RASA2: variants seen among roughly 807,000 people sequenced by gnomAD.
RASA2 encodes ras GTPase-activating protein 2.
Under a neutral mutation model 118.2 loss-of-function variants are expected in RASA2, and 155 were observed. The ratio of observed to expected loss-of-function variants is 1.31; its 90% CI spans 1.15 to 1.50. RASA2 has a LOEUF of 1.50. RASA2 is among the 40% of genes most tolerant of loss of function. The pLI is 0.00. For synonymous variants in RASA2, 353 were observed against 349.1 expected, an observed-to-expected ratio of 1.01 and a Z score of -0.12; for missense variants, 1,016 against 1,009.6, an observed-to-expected ratio of 1.01 and a Z score of -0.09.
intron 3 of RASA2, among the ~76,000 whole-genome samples, chr3:141,518,398 G>A (rs1341641751): frequency 7.2e-6 from 1 of 139,806 alleles, no homozygotes; most frequent in Non-Finnish European, 1.5e-5. Context: ...CAGAAGAATC[G>A]CTTGAATCCG....
At chr3:141,544,482 G>A (rs977860498) in intron 5 of RASA2, among the ~76,000 whole-genome samples, 4 of 151,826 alleles carry the variant, frequency 2.6e-5, no homozygotes, top group Admixed American at 2.6e-4. Flanking sequence ...GTTCAAATTG[G>A]GTGATTTCTA....
intron 9 of RASA2, among the ~76,000 whole-genome samples, chr3:141,564,738 T>C (rs1167391569): frequency 6.6e-6 from 1 of 152,056 alleles, no homozygotes; most frequent in East Asian, 1.9e-4. Context: ...TGGTAAATGG[T>C]GATAATTGTT....
rs750761606 is a variant in RASA2 at position 141,607,778 on chromosome 3, A to G, written c.2016+18A>G. The G allele has an allele frequency of 3.6e-5, 57 of 1,565,458 alleles. 1 individual carries two copies. In the Middle Eastern group the frequency reaches 5.3e-4, roughly 14 times the overall value. On this transcript the variant is annotated intron_variant, in intron 20 of 23. Transcript: ENST00000286364. ...AGAAAAATGTAAGTTATGTAAATAA[A>G]TATTTAAAGCTTTCTGAACTGCATA...
intron 23 of RASA2, 70 bp downstream of exon 23, chr3:141,610,136 C>G: frequency 7.7e-7 from 1 of 1,296,540 alleles, no homozygotes; most frequent in Non-Finnish European, 1.0e-6. Context: ...CTGCCCCAAC[C>G]TCACACCTCC....
In RASA2 at chr3:141,499,698, C is replaced by T. The variant is rs553735868; in HGVS notation, c.134-12465C>T. On this transcript the variant is annotated intron_variant, in intron 1 of 23. Transcript: ENST00000286364. ...CACTGCAACCTCCACCTCCCAGGTT[C>T]GACAATTCTCCTGCCTCAGCCTCCC... Among the ~76,000 whole-genome samples the T allele has an allele frequency of 4.6e-5, 7 of 152,248 alleles. No homozygotes were observed. The East Asian group carries it at 5.8e-4, about 13-fold the overall frequency.
At position 141,512,154 on chromosome 3, in the gene RASA2, T is replaced by C; in HGVS notation, c.134-9T>C. 2 of 1,573,560 alleles carry C rather than the reference T, an allele frequency of 1.3e-6. No individual in the cohort carries two copies. Among genetic ancestry groups the C allele is most frequent in the Non-Finnish European group, 1.7e-6 (2 of 1,146,104 alleles). On this transcript the variant is annotated splice_polypyrimidine_tract_variant and intron_variant, in intron 1 of 23. Transcript: ENST00000286364. ...TATTTAATAACAATTTTAAATTTTATGCCAACAGGTGAAGCAAAAAATTTA... is the reference window on the plus strand; with the variant it reads ...TATTTAATAACAATTTTAAATTTTACGCCAACAGGTGAAGCAAAAAATTTA...
intron 19 of RASA2, among the ~76,000 whole-genome samples, chr3:141,605,395 A>G (rs2061889304): frequency 6.6e-6 from 1 of 152,098 alleles, no homozygotes; most frequent in Non-Finnish European, 1.5e-5. Flanking sequence ...ACTAACTCAC[A>G]TTGCAGTTCA....
chr3:141,572,122 C>T (rs367892186), intron 11 of RASA2, among the ~76,000 whole-genome samples: 6 of 150,660 alleles, frequency 4.0e-5, no homozygotes, highest in East Asian at 1.9e-4. Flanking sequence ...GACAGAGTCT[C>T]GCTTTTTCAC....
chr3:141,590,241 T>A, intron 19 of RASA2: 1 of 442,714 alleles, frequency 2.3e-6, no homozygotes, highest in African/African-American at 2.0e-5. Context: ...CTTAAAGGTG[T>A]GTGCAACTGT....
chr3:141,565,068 C>T (rs922758739), intron 9 of RASA2, among the ~76,000 whole-genome samples: 1 of 152,148 alleles, frequency 6.6e-6, no homozygotes, highest in Non-Finnish European at 1.5e-5. Context: ...TCAGTGCAAC[C>T]TCCACCTCCT....
intron 9 of RASA2, among the ~76,000 whole-genome samples, chr3:141,560,519 CT>C (rs2082715589): frequency 1.3e-5 from 2 of 152,088 alleles, no homozygotes; most frequent in African/African-American, 4.8e-5. Context: ...TGAGCTGGCA[CT>C]TTTTAGGGCT....
At chr3:141,498,357 A>G (rs1386292353) in intron 1 of RASA2, among the ~76,000 whole-genome samples, 2 of 150,934 alleles carry the variant, frequency 1.3e-5, no homozygotes, top group Non-Finnish European at 2.9e-5. Flanking sequence ...GAATTGATGA[A>G]TACATTTATG....
Position 141,512,174 on chromosome 3 carries a change from A to G in RASA2, c.145A>G (p.Asn49Asp). 1 of 1,608,092 alleles carries G rather than the reference A, an allele frequency of 6.2e-7. No homozygotes were observed. The highest frequency in any genetic ancestry group is 8.5e-7 in the Non-Finnish European group (1 of 1,177,706). The change falls in exon 2 of 24, where the codon AAT becomes GAT. Residue 49 changes from asparagine (N) to aspartate (D), a missense_variant. By Grantham distance (23) the Asn-to-Asp change is conservative. This residue lies in a region of RASA2 where 896 missense variants were observed against 836.4 expected (regional missense o/e 1.07). Transcript: ENST00000286364. ...SLRGKICEAK[N>D]LLPYLGPHKM... ...TTTTATGCCAACAGGTGAAGCAAAA[A>G]ATTTATTGCCATATCTTGGACCCCA...
At chr3:141,570,799 G>A (rs2151129038) in intron 9 of RASA2, 113 bp from the exon 10 acceptor site, 1 of 975,936 alleles carries the variant, frequency 1.0e-6, no homozygotes, top group Non-Finnish European at 1.5e-6. Flanking sequence ...CTTCCTAACT[G>A]TAAATACTAA....
At chr3:141,595,729 A>G (rs1012854450) in intron 19 of RASA2, among the ~76,000 whole-genome samples, 2 of 151,928 alleles carry the variant, frequency 1.3e-5, no homozygotes, top group African/African-American at 4.8e-5. Flanking sequence ...CCTGGGCTCA[A>G]GAGATCCTCC....
At chr3:141,590,722 A>C (rs934901691) in intron 19 of RASA2, among the ~76,000 whole-genome samples, 5 of 152,170 alleles carry the variant, frequency 3.3e-5, no homozygotes, top group Non-Finnish European at 5.9e-5. Context: ...ACATAGACCT[A>C]AATCATTGAG....
At chr3:141,564,675 A>G (rs1050166065) in intron 9 of RASA2, among the ~76,000 whole-genome samples, 2 of 152,208 alleles carry the variant, frequency 1.3e-5, no homozygotes, top group African/African-American at 4.8e-5. Context: ...GCCTTTCCAA[A>G]TAGCCTACCA....
At chr3:141,588,564 A>G (rs2083241520) in intron 19 of RASA2, among the ~76,000 whole-genome samples, 1 of 152,204 alleles carries the variant, frequency 6.6e-6, no homozygotes, top group Admixed American at 6.5e-5. Flanking sequence ...TACATCAGAC[A>G]TAGGGTGCTT....
chr3:141,502,594 C>T (rs1052962438), intron 1 of RASA2, among the ~76,000 whole-genome samples: 2 of 152,064 alleles, frequency 1.3e-5, no homozygotes, highest in African/African-American at 4.8e-5. Context: ...CGTTATCCTC[C>T]GATCCCCAAT....
Sources: allele counts gnomAD v4.1 joint callset (sites outside exome capture counted in the v4.1 genomes callset), GRCh38; gene constraint gnomAD v4.1.1; regional missense constraint gnomAD v4.1.1; transcripts MANE v1.5; gene names NCBI Gene and HGNC (gene_info 2026-07-23, HGNC 2026-07-21).